CNTN5: variants seen among roughly 807,000 people sequenced by gnomAD.
The protein encoded by CNTN5 is contactin-5.
Under a neutral mutation model 129.1 loss-of-function variants are expected in CNTN5, and 77 were observed. The ratio of observed to expected loss-of-function variants is 0.60; its 90% confidence interval spans 0.50 to 0.72. CNTN5 has a LOEUF of 0.72. Among genes scored for constraint, CNTN5 ranks in the 30% least tolerant of loss-of-function variants. CNTN5 has a pLI of 0.00. For synonymous variants in CNTN5, 509 were observed against 465.6 expected, an observed-to-expected ratio of 1.09 and a Z score of -1.20; for missense variants, 1,478 against 1,328.8, an observed-to-expected ratio of 1.11 and a Z score of -1.75.
At chr11:99,625,055 G>A (rs895800752) in intron 3 of CNTN5, among the ~76,000 whole-genome samples, 3 of 152,000 alleles carry the variant, frequency 2.0e-5, no homozygotes, top group Non-Finnish European at 2.9e-5. Flanking sequence ...GTCCAGTGTT[G>A]GACACATGGC....
intron 1 of CNTN5, among the ~76,000 whole-genome samples, chr11:99,323,430 T>A (rs1287629073): frequency 6.6e-6 from 1 of 152,144 alleles, no homozygotes; most frequent in East Asian, 1.9e-4. Flanking sequence ...ACCACAACAA[T>A]ACAGTTCATT....
chr11:99,732,003 C>G (rs779435594), intron 3 of CNTN5, among the ~76,000 whole-genome samples: 15 of 152,266 alleles, frequency 9.9e-5, no homozygotes, highest in Admixed American at 2.0e-4. Flanking sequence ...AGATTAGAAT[C>G]ATAATTTTAA....
At chr11:99,780,571 T>A (rs1945278009) in intron 3 of CNTN5, among the ~76,000 whole-genome samples, 1 of 152,028 alleles carries the variant, frequency 6.6e-6, no homozygotes, top group African/African-American at 2.4e-5. Context: ...AGATGGGAGA[T>A]CAGAGTGTAG....
chr11:99,522,529 TAA>T (rs1947309789), intron 2 of CNTN5, among the ~76,000 whole-genome samples: 2 of 152,086 alleles, frequency 1.3e-5, no homozygotes, highest in African/African-American at 4.8e-5. Flanking sequence ...AAAGAAGGAA[TAA>T]AAAGATACTT....
chr11:99,870,367 C>A (rs934689200), intron 6 of CNTN5, among the ~76,000 whole-genome samples: 3 of 152,064 alleles, frequency 2.0e-5, no homozygotes, highest in Non-Finnish European at 2.9e-5. Flanking sequence ...CCCCACTTTA[C>A]CATCAATATA....
intron 3 of CNTN5, among the ~76,000 whole-genome samples, chr11:99,697,013 A>G (rs1194009162): frequency 6.6e-6 from 1 of 151,966 alleles, no homozygotes; most frequent in Non-Finnish European, 1.5e-5. Flanking sequence ...AAAAGGACAC[A>G]TGAGTCAACT....
chr11:100,006,806 T>C (rs1940222113), intron 9 of CNTN5, among the ~76,000 whole-genome samples: 1 of 152,140 alleles, frequency 6.6e-6, no homozygotes, highest in Non-Finnish European at 1.5e-5. Context: ...AGGTTTACAA[T>C]TTACTTTGCT....
At chr11:100,032,978 A>T (rs931791294) in intron 9 of CNTN5, among the ~76,000 whole-genome samples, 16 of 152,214 alleles carry the variant, frequency 1.1e-4, no homozygotes, top group African/African-American at 3.6e-4. Context: ...TTGCAACATT[A>T]TAAAAGACTA....
intron 15 of CNTN5, among the ~76,000 whole-genome samples, chr11:100,194,204 A>G (rs981885331): frequency 3.3e-5 from 5 of 151,912 alleles, no homozygotes; most frequent in African/African-American, 1.2e-4. Context: ...CTACATGGCA[A>G]TCAACCAAAT....
intron 3 of CNTN5, among the ~76,000 whole-genome samples, chr11:99,718,028 T>C (rs966843953): frequency 9.9e-5 from 15 of 152,214 alleles, no homozygotes; most frequent in African/African-American, 3.6e-4. Context: ...TAATTATAAA[T>C]TGCCTCATTC....
At chr11:99,790,162 A>C (rs555353064) in intron 3 of CNTN5, among the ~76,000 whole-genome samples, 3 of 151,976 alleles carry the variant, frequency 2.0e-5, no homozygotes, top group African/African-American at 7.2e-5. Context: ...TATGGTGTAC[A>C]TGTGCCACAT....
At chr11:99,566,014 T>C (rs1414378780) in intron 3 of CNTN5, among the ~76,000 whole-genome samples, 1 of 152,212 alleles carries the variant, frequency 6.6e-6, no homozygotes, top group Non-Finnish European at 1.5e-5. Context: ...TGAAATTGTT[T>C]TGGCTTGCTA....
intron 1 of CNTN5, among the ~76,000 whole-genome samples, chr11:99,267,490 A>C (rs572728203): frequency 5.9e-4 from 90 of 152,114 alleles, no homozygotes; most frequent in Middle Eastern, 6.8e-3. Context: ...TTCTCTCATT[A>C]TGAAAGTGAG....
intron 2 of CNTN5, among the ~76,000 whole-genome samples, chr11:99,398,985 G>A (rs1163426219): frequency 1.3e-5 from 2 of 151,672 alleles, no homozygotes; most frequent in Non-Finnish European, 1.5e-5. Context: ...TACTCTTCAT[G>A]TCCTCTCCAA....
At chr11:99,133,945 G>T (rs1018643685) in intron 1 of CNTN5, among the ~76,000 whole-genome samples, 1 of 152,124 alleles carries the variant, frequency 6.6e-6, no homozygotes, top group Non-Finnish European at 1.5e-5. Flanking sequence ...CTATTACAAA[G>T]ATACATGCAC....
At chr11:99,737,218 T>C (rs956572396) in intron 3 of CNTN5, among the ~76,000 whole-genome samples, 4 of 152,028 alleles carry the variant, frequency 2.6e-5, no homozygotes, top group Non-Finnish European at 4.4e-5. Flanking sequence ...CAAGTTGTGC[T>C]CTTACCATGA....
At chr11:99,760,487 G>A (rs535171646) in intron 3 of CNTN5, among the ~76,000 whole-genome samples, 1 of 152,032 alleles carries the variant, frequency 6.6e-6, no homozygotes, top group African/African-American at 2.4e-5. Context: ...ATACACTTTG[G>A]GTGAATTTTT....
chr11:100,031,238 T>A (rs1346349771), intron 9 of CNTN5, among the ~76,000 whole-genome samples: 1 of 152,190 alleles, frequency 6.6e-6, no homozygotes, highest in Non-Finnish European at 1.5e-5. Flanking sequence ...AAAGATGAAA[T>A]GCTCCTGATT....
chr11:99,326,599 C>A (rs908305123), intron 2 of CNTN5, among the ~76,000 whole-genome samples: 1 of 152,150 alleles, frequency 6.6e-6, no homozygotes, highest in Admixed American at 6.6e-5. Flanking sequence ...ATTCTAGCAG[C>A]TCGTTGCAGA....
Sources: allele counts gnomAD v4.1 joint callset (sites outside exome capture counted in the v4.1 genomes callset), GRCh38; gene constraint gnomAD v4.1.1; transcripts MANE v1.5; gene names NCBI Gene and HGNC (gene_info 2026-07-23, HGNC 2026-07-21).